The following PLD5 variants were observed in gnomAD, a reference collection of about 807,000 sequenced individuals.
The protein encoded by PLD5 is inactive phospholipase D5.
A neutral mutation model predicts 61.1 loss-of-function variants in PLD5; 36 were observed. That is an observed-to-expected ratio of 0.59 (90% CI 0.45 to 0.78). The LOEUF is 0.78. Ranked by LOEUF, PLD5 falls within the 30% of genes least tolerant of loss-of-function variation. PLD5 has a pLI of 0.00. For missense variants in PLD5, 515 were observed against 644.4 expected (o/e 0.80, Z 2.17); for synonymous variants, 243 against 242.8 (o/e 1.00, Z -0.01).
intron 5 of PLD5, among the ~76,000 whole-genome samples, chr1:242,184,327 A>T (rs890362453): frequency 1.3e-5 from 2 of 152,158 alleles, no homozygotes; most frequent in African/African-American, 2.4e-5. Context: ...GTGGTGCCCC[A>T]GGCTCTACCT....
intron 5 of PLD5, among the ~76,000 whole-genome samples, chr1:242,164,972 A>G (rs574138571): frequency 6.6e-6 from 1 of 152,266 alleles, no homozygotes; most frequent in East Asian, 1.9e-4. Context: ...ACCTGCCAGT[A>G]TCTACCTGGC....
At chr1:242,448,414 G>C (rs1176717868) in intron 1 of PLD5, among the ~76,000 whole-genome samples, 1 of 152,200 alleles carries the variant, frequency 6.6e-6, no homozygotes, top group Non-Finnish European at 1.5e-5. Context: ...CAGCTGTGCA[G>C]TCAAATAAGT....
At chr1:242,230,506 T>C (rs776736157) in intron 4 of PLD5, among the ~76,000 whole-genome samples, 15 of 152,200 alleles carry the variant, frequency 9.9e-5, no homozygotes, top group Non-Finnish European at 2.9e-5. Flanking sequence ...AAAAAAATCA[T>C]AGTTCGCCTG....
At chr1:242,148,412 G>A (rs1352885017) in intron 5 of PLD5, among the ~76,000 whole-genome samples, 1 of 151,092 alleles carries the variant, frequency 6.6e-6, no homozygotes, top group East Asian at 1.9e-4. Context: ...CAGAAAATCA[G>A]GTAGTATGAG....
intron 8 of PLD5, among the ~76,000 whole-genome samples, chr1:242,102,391 G>A (rs1279637902): frequency 6.6e-6 from 1 of 152,222 alleles, no homozygotes; most frequent in Non-Finnish European, 1.5e-5. Flanking sequence ...CAGCAGAAAT[G>A]AGGTTTTATT....
At chr1:242,238,155 G>A (rs958006224) in intron 4 of PLD5, among the ~76,000 whole-genome samples, 5 of 152,172 alleles carry the variant, frequency 3.3e-5, no homozygotes, top group Admixed American at 3.3e-4. Flanking sequence ...AGAGAAGAGG[G>A]TGGTGAAGAA....
chr1:242,198,723 A>AG (rs1491009143), intron 5 of PLD5, among the ~76,000 whole-genome samples: 5 of 148,742 alleles, frequency 3.4e-5, no homozygotes, highest in Non-Finnish European at 6.0e-5. Flanking sequence ...AAAAAAAAAA[A>AG]AGTAAAATAT....
At chr1:242,262,758 G>C (rs2917437) in intron 4 of PLD5, among the ~76,000 whole-genome samples, 1 of 152,150 alleles carries the variant, frequency 6.6e-6, no homozygotes, top group Non-Finnish European at 1.5e-5. Flanking sequence ...TCAGGTATAG[G>C]GACAGATGCT....
chr1:242,221,722 G>A (rs1670600284), intron 4 of PLD5, among the ~76,000 whole-genome samples: 1 of 152,160 alleles, frequency 6.6e-6, no homozygotes, highest in Non-Finnish European at 1.5e-5. Context: ...GATCCCAGAG[G>A]AGGAACTTGG....
chr1:242,212,502 T>C (rs1669892582), intron 5 of PLD5, among the ~76,000 whole-genome samples: 1 of 152,184 alleles, frequency 6.6e-6, no homozygotes, highest in African/African-American at 2.4e-5. Flanking sequence ...TCGACCTGCA[T>C]AGTAGCAACG....
chr1:242,340,830 G>C (rs951523912), intron 2 of PLD5, among the ~76,000 whole-genome samples: 2 of 152,166 alleles, frequency 1.3e-5, no homozygotes, highest in African/African-American at 4.8e-5. Flanking sequence ...TGAAGGGAGA[G>C]GAAGAGGGAA....
intron 1 of PLD5, among the ~76,000 whole-genome samples, chr1:242,470,214 C>T (rs1336893431): frequency 1.3e-5 from 2 of 152,002 alleles, no homozygotes; most frequent in East Asian, 3.9e-4. Context: ...GTGGTGCGGG[C>T]GCCTGTACTC....
chr1:242,417,542 CTG>C (rs1053182250), intron 1 of PLD5, among the ~76,000 whole-genome samples: 25 of 152,202 alleles, frequency 1.6e-4, no homozygotes, highest in Non-Finnish European at 3.5e-4. Flanking sequence ...ACTAAGCACA[CTG>C]TGTGTGGGGT....
intron 8 of PLD5, among the ~76,000 whole-genome samples, chr1:242,103,484 T>C (rs1025666664): frequency 4.6e-5 from 7 of 152,246 alleles, no homozygotes; most frequent in African/African-American, 1.7e-4. Flanking sequence ...CTGTTCTTTT[T>C]CTCACTTCCT....
intron 5 of PLD5, among the ~76,000 whole-genome samples, chr1:242,138,441 A>ATT (rs1026308464): frequency 6.6e-6 from 1 of 150,794 alleles, no homozygotes; most frequent in Non-Finnish European, 1.5e-5. Context: ...ATTAGAAGGG[A>ATT]TTTTTTTTTT....
At chr1:242,503,979 G>A (rs1668640475) in intron 1 of PLD5, among the ~76,000 whole-genome samples, 1 of 152,056 alleles carries the variant, frequency 6.6e-6, no homozygotes, top group East Asian at 1.9e-4. Context: ...TCTGCCTTGG[G>A]TATTCTCTTA....
intron 5 of PLD5, among the ~76,000 whole-genome samples, chr1:242,204,478 G>C (rs1415916134): frequency 6.6e-6 from 1 of 152,094 alleles, no homozygotes; most frequent in South Asian, 2.1e-4. Flanking sequence ...TGCTGACCAG[G>C]TCATATGTTT....
intron 4 of PLD5, among the ~76,000 whole-genome samples, chr1:242,247,740 C>G (rs950147607): frequency 6.6e-6 from 1 of 152,152 alleles, no homozygotes; most frequent in African/African-American, 2.4e-5. Flanking sequence ...GATTTTACTT[C>G]TAGTTTACAG....
chr1:242,219,358 C>T (rs10803026), intron 5 of PLD5, among the ~76,000 whole-genome samples: 46,312 of 151,804 alleles, frequency 0.31, 7,375 homozygotes, highest in East Asian at 0.53. Context: ...GGGGAGTATG[C>T]TGGAGTGTTG....
Sources: allele counts gnomAD v4.1 joint callset (sites outside exome capture counted in the v4.1 genomes callset), GRCh38; gene constraint gnomAD v4.1.1; transcripts MANE v1.5; gene names NCBI Gene and HGNC (gene_info 2026-07-23, HGNC 2026-07-21).